The following KCNN3 variants were observed in gnomAD, a reference collection of about 807,000 sequenced individuals.
KCNN3 encodes the protein small conductance calcium-activated potassium channel protein 3.
Under a neutral mutation model 62.9 loss-of-function variants are expected in KCNN3, and 16 were observed. The observed-to-expected ratio is 0.25, with a 90% CI of 0.17 to 0.39. The LOEUF is 0.39. Ranked by LOEUF, KCNN3 falls within the 10% of genes least tolerant of loss-of-function variation. The pLI is 1.00. For synonymous variants in KCNN3, 370 were observed against 389.2 expected (o/e 0.95, Z 0.58); for missense variants, 599 against 949.4 (o/e 0.63, Z 4.85).
chr1:154,821,640 G>A (rs781080864), intron 2 of KCNN3, among the ~76,000 whole-genome samples: 51 of 152,214 alleles, frequency 3.4e-4, no homozygotes, highest in Non-Finnish European at 7.1e-4. Flanking sequence ...TTCACAAAAA[G>A]CAGACTCCTT....
intron 4 of KCNN3, among the ~76,000 whole-genome samples, chr1:154,731,277 C>G (rs2101789948): frequency 6.6e-6 from 1 of 152,368 alleles, no homozygotes; most frequent in Non-Finnish European, 1.5e-5. Context: ...CCAAGACAGA[C>G]TCCTACTAAC....
At chr1:154,749,652 G>A (rs1647266392) in intron 3 of KCNN3, among the ~76,000 whole-genome samples, 1 of 152,166 alleles carries the variant, frequency 6.6e-6, no homozygotes, top group Admixed American at 6.5e-5. Flanking sequence ...AGCAGAGGTT[G>A]CAAAGTAGCC....
At chr1:154,810,378 C>G (rs1472820711) in intron 2 of KCNN3, among the ~76,000 whole-genome samples, 1 of 152,078 alleles carries the variant, frequency 6.6e-6, no homozygotes, top group Non-Finnish European at 1.5e-5. Context: ...GAAGTCAGCC[C>G]CTCAGAAGGC....
chr1:154,824,926 C>T (rs1278844414), intron 1 of KCNN3, among the ~76,000 whole-genome samples: 2 of 152,222 alleles, frequency 1.3e-5, no homozygotes, highest in Non-Finnish European at 2.9e-5. Context: ...TGTGCTGGAT[C>T]AACAGGGACT....
chr1:154,725,209 A>G (rs1422939180), intron 5 of KCNN3, among the ~76,000 whole-genome samples: 6 of 152,108 alleles, frequency 3.9e-5, no homozygotes, highest in Non-Finnish European at 8.8e-5. Flanking sequence ...TACATTTTCA[A>G]TATACTTTTA....
intron 3 of KCNN3, among the ~76,000 whole-genome samples, chr1:154,741,934 G>C (rs1293490896): frequency 1.3e-5 from 2 of 152,222 alleles, no homozygotes; most frequent in African/African-American, 2.4e-5. Context: ...CTGTGCTTGC[G>C]AATTTCTCCA....
chr1:154,854,700 C>T (rs1423455655), intron 1 of KCNN3, among the ~76,000 whole-genome samples: 1 of 152,154 alleles, frequency 6.6e-6, no homozygotes, highest in Admixed American at 6.5e-5. Context: ...AAATTCCTAT[C>T]ACTTCGTGAC....
In KCNN3 at chr1:154,772,529, G is replaced by T; in HGVS notation, c.1030-136C>A. On this transcript the variant is annotated intron_variant, in intron 2 of 7. Coordinates refer to ENST00000271915, the MANE Select transcript of KCNN3 (RefSeq NM_002249.6). This position sits in a 1 kb window ranked among gnomAD's most constrained non-coding sequence, Gnocchi z 5.6. ...TGACCACCTCAGCATGCTCTTTAGGGGCCTTGCTATGTGGCAAGAGCCCTG... is the reference window on the plus strand; with the variant it reads ...TGACCACCTCAGCATGCTCTTTAGGTGCCTTGCTATGTGGCAAGAGCCCTG... 2.5e-6 allele frequency: 2 copies of T among 803,308 alleles called. No homozygotes were observed. The highest frequency in any genetic ancestry group is 2.1e-6 in the Non-Finnish European group (1 of 475,996). 49.8% of individuals were successfully genotyped at this position (803,308 alleles called of 1,614,324 possible).
intron 1 of KCNN3, among the ~76,000 whole-genome samples, chr1:154,840,245 CTGAT>C (rs1372652296): frequency 2.0e-5 from 3 of 152,058 alleles, no homozygotes; most frequent in Non-Finnish European, 2.9e-5. Context: ...GATTTGGAGA[CTGAT>C]TGGTTAGAGA....
intron 3 of KCNN3, among the ~76,000 whole-genome samples, chr1:154,756,813 C>T (rs1284018603): frequency 6.6e-6 from 1 of 152,164 alleles, no homozygotes; most frequent in African/African-American, 2.4e-5. Context: ...TGTTACCTGT[C>T]TTCCCTGGTA....
At chr1:154,718,346 A>G (rs1700275103) in intron 5 of KCNN3, among the ~76,000 whole-genome samples, 2 of 152,238 alleles carry the variant, frequency 1.3e-5, no homozygotes, top group Non-Finnish European at 1.5e-5. Context: ...AAAGGCTCTA[A>G]GATTAATGGG....
intron 3 of KCNN3, among the ~76,000 whole-genome samples, chr1:154,764,426 T>C (rs1648165587): frequency 1.3e-5 from 2 of 152,176 alleles, no homozygotes; most frequent in Admixed American, 1.3e-4. Context: ...AACATCCTCA[T>C]ATACAGAATG....
chr1:154,739,199 G>C (rs11264252), intron 3 of KCNN3, among the ~76,000 whole-genome samples: 44,734 of 152,092 alleles, frequency 0.29, 6,769 homozygotes, highest in Middle Eastern at 0.36. Context: ...ACCACGGAAG[G>C]ATTGACTCTA....
intron 2 of KCNN3, among the ~76,000 whole-genome samples, chr1:154,805,549 G>A (rs904757595): frequency 3.9e-5 from 6 of 152,152 alleles, no homozygotes; most frequent in African/African-American, 1.2e-4. Flanking sequence ...GAACTAAAAC[G>A]GTGTGTGGGG....
chr1:154,798,246 AAAGG>A (rs1375212131), intron 2 of KCNN3, among the ~76,000 whole-genome samples: 1 of 152,206 alleles, frequency 6.6e-6, no homozygotes, highest in African/African-American at 2.4e-5. Flanking sequence ...AAACAGGAAG[AAAGG>A]AAGGACAGAA....
chr1:154,852,302 G>A (rs913138751), intron 1 of KCNN3, among the ~76,000 whole-genome samples: 17 of 149,850 alleles, frequency 1.1e-4, no homozygotes, highest in Non-Finnish European at 2.2e-4. Flanking sequence ...AGCCTCAACA[G>A]CAAGCTATCC....
chr1:154,821,463 T>C (rs918984945), intron 2 of KCNN3, among the ~76,000 whole-genome samples: 10 of 152,158 alleles, frequency 6.6e-5, no homozygotes, highest in African/African-American at 2.4e-4. Flanking sequence ...ATCCTCCCTA[T>C]GTCAGCCAAA....
At chr1:154,733,821 C>T (rs1700651505) in intron 3 of KCNN3, among the ~76,000 whole-genome samples, 2 of 152,332 alleles carry the variant, frequency 1.3e-5, no homozygotes, top group Admixed American at 6.5e-5. Flanking sequence ...TCCCCTTCCT[C>T]CCTCCCTTCA....
Position 154,702,702 on chromosome 1 carries a change from TATATATA to T in KCNN3, c.*5267_*5273del, listed in dbSNP as rs889571055. 2.9e-3 allele frequency: 6 copies of T among 2,090 alleles called. No individual in the cohort carries two copies. The highest frequency in any genetic ancestry group is 0.026 in the South Asian group (1 of 38). The allele number at this position is 2,090 out of a possible 1,614,324, so 0.1% of individuals were successfully genotyped here. A position where few individuals can be genotyped will look rare whatever the true frequency, so the allele number is the denominator to read the frequency against. On this transcript the variant is annotated 3_prime_UTR_variant, in exon 8 of 8. Transcript: ENST00000271915. ...GTTGGCTGCTTCGATCTGATTCAGATATATATATATATATATATATATATATATATAT... is the reference window on the plus strand; with the variant it reads ...GTTGGCTGCTTCGATCTGATTCAGATTATATATATATATATATATATATAT...
Sources: gnomAD v4.1 joint callset for allele counts (sites outside exome capture counted in the v4.1 genomes callset) on GRCh38, gnomAD v4.1.1 for gene constraint, Gnocchi (gnomAD v3.1) non-coding constraint, MANE v1.5 for transcripts, NCBI Gene and HGNC (gene_info 2026-07-23, HGNC 2026-07-21) for gene names.